The following AGBL2 variants were observed in gnomAD, a reference collection of about 807,000 sequenced individuals.
AGBL2 encodes cytosolic carboxypeptidase 2.
In AGBL2, 87 loss-of-function variants were observed where a neutral mutation model predicts 103.0. The observed-to-expected ratio is 0.84, with a 90% confidence interval of 0.71 to 1.01. The LOEUF (loss-of-function observed/expected upper bound fraction) is 1.01, where lower values mean the gene tolerates loss of function less well. Among genes scored for constraint, AGBL2 ranks in the 50% least tolerant of loss-of-function variants. The probability of loss-of-function intolerance (pLI) is 0.00; values close to 1 mark genes in which losing one functional copy is unlikely to be tolerated. For synonymous variants in AGBL2, 335 were observed against 356.7 expected (o/e 0.94, Z 0.69); for missense variants, 904 against 1,023.5 (o/e 0.88, Z 1.59).
chr11:47,672,095 T>C (rs1302122554), intron 14 of AGBL2, among the ~76,000 whole-genome samples: 1 of 152,154 alleles, frequency 6.6e-6, no homozygotes, highest in Admixed American at 6.6e-5. Context: ...TTGGTTCCCC[T>C]TGGGCCCTAT....
intron 14 of AGBL2, 100 bp downstream of exon 14, chr11:47,677,171 C>G (rs2097378650): frequency 9.6e-7 from 1 of 1,037,918 alleles, no homozygotes; most frequent in African/African-American, 1.7e-5. Flanking sequence ...CCAAGCCCAG[C>G]TAATTTTTGT....
At chr11:47,695,380 C>T (rs2097463961) in intron 8 of AGBL2, among the ~76,000 whole-genome samples, 1 of 147,340 alleles carries the variant, frequency 6.8e-6, no homozygotes, top group Non-Finnish European at 1.5e-5. Flanking sequence ...GAGGCTGAGG[C>T]AGGAGAATCG....
In AGBL2 at chr11:47,682,103, G is replaced by C. The variant is rs1445234281; in HGVS notation, c.1789-8C>G. Reference sequence around the variant, plus strand: ...ACAACTGTGAAAAGAGAACTAAAAAGAAATCCAAATTTTCTGTTAATCATA... The same window carrying C: ...ACAACTGTGAAAAGAGAACTAAAAACAAATCCAAATTTTCTGTTAATCATA... On this transcript the variant is annotated splice_polypyrimidine_tract_variant and splice_region_variant and intron_variant, in intron 11 of 18. Coordinates refer to ENST00000525123, the MANE Select transcript of AGBL2 (RefSeq NM_024783.4). 3 of 1,611,302 alleles carry C rather than the reference G, an allele frequency of 1.9e-6. No homozygotes were observed. Among genetic ancestry groups the C allele is most frequent in the African/African-American group, 1.3e-5 (1 of 74,762 alleles).
chr11:47,704,401 T>C, intron 7 of AGBL2, 142 bp downstream of exon 7: 4 of 663,292 alleles, frequency 6.0e-6, no homozygotes, highest in Non-Finnish European at 9.9e-6. Context: ...GAGAATCCCT[T>C]GAACCTGGGA....
chr11:47,688,077 G>A (rs1376412546), intron 10 of AGBL2, among the ~76,000 whole-genome samples: 1 of 151,962 alleles, frequency 6.6e-6, no homozygotes, highest in African/African-American at 2.4e-5. Flanking sequence ...CAAAGTGCTG[G>A]GATTACAGAC....
chr11:47,703,743 T>G (rs2097506746), intron 7 of AGBL2, among the ~76,000 whole-genome samples: 1 of 151,894 alleles, frequency 6.6e-6, no homozygotes, highest in African/African-American at 2.4e-5. Flanking sequence ...CTGACCAACA[T>G]GGAGAAACCC....
At position 47,668,896 on chromosome 11, in the gene AGBL2, G is replaced by A. The variant is rs1394855172; in HGVS notation, c.2159C>T (p.Ser720Phe). 6.2e-7 allele frequency: 1 copy of A among 1,612,884 alleles called. No individual in the cohort carries two copies. ...AAGACCATCTGAGAGAGAACTGTCAGAGCCACTGGTGCTGTTTCCAAAAGA... is the reference window on the plus strand; with the variant it reads ...AAGACCATCTGAGAGAGAACTGTCAAAGCCACTGGTGCTGTTTCCAAAAGA... ...LSDIESSTSG[S>F]DSSLSDGLPV... is the part of the protein sequence containing the mutation. Residue 720 changes from serine to phenylalanine, a missense_variant, in exon 15 of 19, where the codon TCT becomes TTT. Coordinates refer to ENST00000525123, the MANE Select transcript of AGBL2 (RefSeq NM_024783.4).
rs140314462 is a variant in AGBL2, at chr11:47,705,538, C to T, written c.383G>A (p.Arg128Gln). 8.6e-4 allele frequency: 331 copies of T among 383,374 alleles called. No individual in the cohort carries two copies. Among genetic ancestry groups the T allele is most frequent in the African/African-American group, 6.4e-3 (304 of 47,562 alleles). 23.7% of individuals were successfully genotyped at this position (383,374 alleles called of 1,614,324 possible). The change falls in exon 6 of 19, where the codon CGA (arginine) becomes CAA (glutamine). Residue 128 changes from arginine (R) to glutamine (Q), a missense_variant. Arg to Gln is a conservative substitution (Grantham distance 43). Coordinates refer to ENST00000525123, the MANE Select transcript of AGBL2 (RefSeq NM_024783.4). The stretch of plus-strand genomic sequence containing the variant: ...GCACATGCCTGTAATCCCAGCTACT[C>T]GGAAAGCTGAGGCAGGAGAATCCTT... ...RFKDSPASAF[R>Q]VAGITDSHML...
intron 7 of AGBL2, among the ~76,000 whole-genome samples, chr11:47,702,062 G>A (rs2153805036): frequency 6.6e-6 from 1 of 152,020 alleles, no homozygotes; most frequent in African/African-American, 2.4e-5. Context: ...GAGAGGGGAG[G>A]ATGGCTTGTG....
Position 47,667,014 on chromosome 11 carries a change from T to C in AGBL2, c.2390A>G (p.Lys797Arg), listed in dbSNP as rs2097342995. Residue 797 changes from lysine to arginine, a missense_variant, in exon 17 of 19, where the codon AAA becomes AGA. Transcript: ENST00000525123. ...TAAAAAACTGGAATTCTCTGAGTTT[T>C]TGAAAAAGGTTGGCTGCTTTTGCAG... ...STLQKQPTFF[K>R]NSENSSFLPM... The C allele has an allele frequency of 1.2e-6, 2 of 1,613,190 alleles. No homozygotes were observed. The highest frequency in any genetic ancestry group is 1.7e-6 in the Non-Finnish European group (2 of 1,179,830).
chr11:47,714,038 C>T, intron 3 of AGBL2: 3 of 475,380 alleles, frequency 6.3e-6, no homozygotes, highest in South Asian at 2.7e-5. Context: ...AAAGGATAGC[C>T]AAACAGACCA....
At chr11:47,667,543 G>C (rs748480950) in intron 16 of AGBL2, 28 bp downstream of exon 16, 7 of 1,611,410 alleles carry the variant, frequency 4.3e-6, no homozygotes, top group Non-Finnish European at 5.9e-6. Context: ...AAACTAGACA[G>C]TAGAAATAGC....
At chr11:47,680,100 A>G (rs768967821) in intron 12 of AGBL2, 27 bp from the exon 13 acceptor site, 1 of 1,325,638 alleles carries the variant, frequency 7.5e-7, no homozygotes, top group Non-Finnish European at 1.1e-6. Context: ...CCCCGCAAAC[A>G]TTTCCAATTA....
At chr11:47,685,760 G>A in intron 11 of AGBL2, 133 bp downstream of exon 11, 1 of 977,174 alleles carries the variant, frequency 1.0e-6, no homozygotes, top group South Asian at 1.7e-5. Context: ...CTAAATTCTT[G>A]AAGTCTAGGT....
At chr11:47,691,115 T>A (rs1421859096) in intron 9 of AGBL2, among the ~76,000 whole-genome samples, 3 of 95,464 alleles carry the variant, frequency 3.1e-5, no homozygotes, top group Non-Finnish European at 4.5e-5. Flanking sequence ...AAAAAAAAAA[T>A]TAGCCAGGTG....
At chr11:47,713,969 T>C (rs2097543091) in intron 3 of AGBL2, 1 of 247,216 alleles carries the variant, frequency 4.0e-6, no homozygotes, top group East Asian at 8.6e-5. Context: ...GGAAGACATG[T>C]CTTTCCAGAT....
intron 7 of AGBL2, among the ~76,000 whole-genome samples, chr11:47,701,052 T>A: frequency 6.7e-6 from 1 of 149,730 alleles, no homozygotes; most frequent in African/African-American, 2.5e-5. Flanking sequence ...TGAGACTCTG[T>A]CTCAAAAAAA....
rs200687373 is a variant in AGBL2 at position 47,714,297 on chromosome 11, A to G, written c.84T>C (p.Tyr28=). ...EDFMYRHLQY[Y]GYFKAQRGSL... ...ACATGGTATTACCTTTAAAGTAGCC[A>G]TAATATTGGAGGTGACGGTACATAA... Residue 28 remains tyrosine (Y), a synonymous_variant, in exon 3 of 19, where the codon TAT becomes TAC. Coordinates refer to ENST00000525123, the MANE Select transcript of AGBL2 (RefSeq NM_024783.4). 88 of 1,612,704 alleles carry G rather than the reference A, an allele frequency of 5.5e-5. No homozygotes were observed. Among genetic ancestry groups the G allele is most frequent in the Non-Finnish European group, 4.7e-5 (56 of 1,179,220 alleles).
chr11:47,661,893 C>T lies in AGBL2; in HGVS notation c.2535+1133G>A, dbSNP rs561544692. On this transcript the variant is annotated intron_variant, in intron 18 of 18. Transcript: ENST00000525123. ...CCTTCCAAGTAGCTGGGACTACAGGCGTGTGCCACCACACCTGGCTAATTT... is the reference window on the plus strand; with the variant it reads ...CCTTCCAAGTAGCTGGGACTACAGGTGTGTGCCACCACACCTGGCTAATTT... 6.6e-5 allele frequency among the ~76,000 whole-genome samples: 10 copies of T among 152,018 alleles called. No homozygotes were observed. In the East Asian group the frequency reaches 7.8e-4, roughly 12 times the overall value.
Sources: gnomAD v4.1 joint callset for allele counts (sites outside exome capture counted in the v4.1 genomes callset) on GRCh38, gnomAD v4.1.1 for gene constraint, MANE v1.5 for transcripts, NCBI Gene and HGNC (gene_info 2026-07-23, HGNC 2026-07-21) for gene names.